RAB27B: variants seen among roughly 807,000 people sequenced by gnomAD.
The protein encoded by RAB27B is ras-related protein Rab-27B.
Under a neutral mutation model 24.6 loss-of-function variants are expected in RAB27B, and 15 were observed. That is an observed-to-expected ratio of 0.61 (90% CI 0.41 to 0.94). The LOEUF (loss-of-function observed/expected upper bound fraction) is 0.94, where lower values mean the gene tolerates loss of function less well. RAB27B is among the 40% of genes least tolerant of loss of function. The pLI is 0.00. For synonymous variants in RAB27B, 105 were observed against 92.5 expected (o/e 1.14, Z -0.78); for missense variants, 261 against 266.8 (o/e 0.98, Z 0.15).
In RAB27B at chr18:54,784,987, A is replaced by C. The variant is rs574186527; in HGVS notation, c.-20+66846A>C. Among the ~76,000 whole-genome samples, 3 of 152,096 alleles carry C rather than the reference A, an allele frequency of 2.0e-5. No homozygotes were observed. In the South Asian group the frequency reaches 6.2e-4, roughly 32 times the overall value. On this transcript the variant is annotated intron_variant, in intron 2 of 4. Coordinates refer to the RAB27B transcript ENST00000586570. ...ACTTTGCCTACCTCTGCCTCACTAA[A>C]TATGCCCTTTGCCCCCTCCCCTTGG...
intron 2 of RAB27B, among the ~76,000 whole-genome samples, chr18:54,753,469 A>G (rs1907900623): frequency 6.6e-6 from 1 of 152,194 alleles, no homozygotes; most frequent in Non-Finnish European, 1.5e-5. Flanking sequence ...GGGTAAAATC[A>G]GATAATACAT....
Position 54,891,204 on chromosome 18 carries a change from A to G in RAB27B, c.*1791A>G, listed in dbSNP as rs1913355323. The stretch of plus-strand genomic sequence containing the variant: ...CAGAAACACAGACAGATCCAAGGAA[A>G]TGTCTCTTTATAATGTTCTTAGGAT... On this transcript the variant is annotated 3_prime_UTR_variant, in exon 6 of 6. Transcript: ENST00000262094. 1 of 152,092 alleles carries G rather than the reference A, an allele frequency of 6.6e-6. No individual in the cohort carries two copies. Among genetic ancestry groups the G allele is most frequent in the Non-Finnish European group, 1.5e-5 (1 of 68,010 alleles). The allele number at this position is 152,092 out of a possible 1,614,324, so 9.4% of individuals were successfully genotyped here. A position where few individuals can be genotyped will look rare whatever the true frequency, so the allele number is the denominator to read the frequency against.
intron 1 of RAB27B, among the ~76,000 whole-genome samples, chr18:54,842,861 C>A (rs1441854431): frequency 6.6e-6 from 1 of 152,130 alleles, no homozygotes; most frequent in Non-Finnish European, 1.5e-5. Context: ...GTGGCGGGAT[C>A]TCGGCTCACT....
At chr18:54,859,545 C>A (rs1193571317) in intron 1 of RAB27B, among the ~76,000 whole-genome samples, 2 of 151,384 alleles carry the variant, frequency 1.3e-5, no homozygotes, top group African/African-American at 2.4e-5. Flanking sequence ...TTGGGAATGG[C>A]ACTCTCTGTT....
chr18:54,763,525 G>C (rs1304572947), intron 2 of RAB27B, among the ~76,000 whole-genome samples: 1 of 152,142 alleles, frequency 6.6e-6, no homozygotes, highest in Non-Finnish European at 1.5e-5. Context: ...TCCAGGGATA[G>C]CAAATAAGAT....
intron 4 of RAB27B, 73 bp from the exon 5 acceptor site, chr18:54,887,922 C>G (rs992524772): frequency 6.6e-7 from 1 of 1,523,202 alleles, no homozygotes; most frequent in Admixed American, 1.8e-5. Context: ...GATCAGGAAT[C>G]TGGAATAAGA....
intron 2 of RAB27B, among the ~76,000 whole-genome samples, chr18:54,778,285 T>C (rs73960622): frequency 6.6e-6 from 1 of 151,932 alleles, no homozygotes; most frequent in African/African-American, 2.4e-5. Context: ...AATTTCTCTT[T>C]CTCCAAATCC....
At chr18:54,850,359 T>TATATATATATATATATATATATATACAC (rs1491518141) in intron 1 of RAB27B, among the ~76,000 whole-genome samples, 2 of 126,846 alleles carry the variant, frequency 1.6e-5, no homozygotes, top group African/African-American at 6.3e-5. Flanking sequence ...TATATATATA[T>TATATATATATATATATATATATATACAC]ACATACATAC....
At chr18:54,763,637 C>T (rs1908266539) in intron 2 of RAB27B, among the ~76,000 whole-genome samples, 1 of 152,136 alleles carries the variant, frequency 6.6e-6, no homozygotes, top group African/African-American at 2.4e-5. Context: ...AAGTGGATTC[C>T]TCTAGTTCTG....
At chr18:54,766,707 C>T (rs1052513282) in intron 2 of RAB27B, among the ~76,000 whole-genome samples, 1 of 152,078 alleles carries the variant, frequency 6.6e-6, no homozygotes, top group African/African-American at 2.4e-5. Flanking sequence ...TGAGGAACTC[C>T]TGAAAATGAC....
At chr18:54,841,176 A>G (rs1376704477) in intron 1 of RAB27B, among the ~76,000 whole-genome samples, 207 of 17,986 alleles carry the variant, frequency 0.012, no homozygotes, top group Middle Eastern at 0.036. Context: ...GGGTTTGGTG[A>G]GAGGGGCGGG....
chr18:54,785,819 G>A (rs1335887062), intron 2 of RAB27B, among the ~76,000 whole-genome samples: 2 of 152,094 alleles, frequency 1.3e-5, no homozygotes, highest in East Asian at 1.9e-4. Context: ...AGGGGCCAGC[G>A]ACCATGGTTG....
At chr18:54,791,392 A>G (rs1909241437) in intron 2 of RAB27B, among the ~76,000 whole-genome samples, 1 of 152,146 alleles carries the variant, frequency 6.6e-6, no homozygotes, top group Admixed American at 6.5e-5. Flanking sequence ...AGGGCAACAT[A>G]GTGAGACCCC....
intron 2 of RAB27B, among the ~76,000 whole-genome samples, chr18:54,796,721 C>G (rs1431784113): frequency 2.0e-5 from 3 of 152,164 alleles, no homozygotes; most frequent in Non-Finnish European, 4.4e-5. Context: ...GATATGAGGG[C>G]ATGGAAGGCC....
intron 2 of RAB27B, among the ~76,000 whole-genome samples, chr18:54,724,616 C>T (rs1478758960): frequency 6.6e-6 from 1 of 151,248 alleles, no homozygotes; most frequent in Non-Finnish European, 1.5e-5. Context: ...GGGAGAATTG[C>T]TTGAACCTGG....
intron 2 of RAB27B, among the ~76,000 whole-genome samples, chr18:54,804,366 G>C (rs1315112570): frequency 6.6e-6 from 1 of 152,164 alleles, no homozygotes. Context: ...CTATTCTTGT[G>C]ATAAGTTTTG....
intron 3 of RAB27B, 128 bp downstream of exon 3, chr18:54,879,582 G>A (rs1392457647): frequency 2.6e-6 from 2 of 754,814 alleles, no homozygotes; most frequent in Admixed American, 2.3e-5. Context: ...ATAGACATTT[G>A]TATCCAGAAA....
At chr18:54,847,048 A>T (rs1301427593) in intron 1 of RAB27B, among the ~76,000 whole-genome samples, 1 of 152,088 alleles carries the variant, frequency 6.6e-6, no homozygotes, top group East Asian at 1.9e-4. Context: ...ACAGGGTTTC[A>T]CTATGTTGGC....
intron 3 of RAB27B, among the ~76,000 whole-genome samples, chr18:54,881,963 T>G (rs1912943641): frequency 1.3e-5 from 2 of 152,180 alleles, no homozygotes; most frequent in South Asian, 4.1e-4. Context: ...AAGAGCAGTT[T>G]TCCTGGCATG....
Sources: allele counts gnomAD v4.1 joint callset (sites outside exome capture counted in the v4.1 genomes callset), GRCh38; gene constraint gnomAD v4.1.1; transcripts MANE v1.5; gene names NCBI Gene and HGNC (gene_info 2026-07-23, HGNC 2026-07-21).